The following SLC6A11 variants were observed in gnomAD, a reference collection of about 807,000 sequenced individuals.
SLC6A11 encodes solute carrier family 6 member 11, also known as sodium- and chloride-dependent GABA transporter 3.
Under a neutral mutation model 74.8 loss-of-function variants are expected in SLC6A11, and 25 were observed. That is an observed-to-expected ratio of 0.33 (90% CI 0.24 to 0.47). The LOEUF is 0.47. Ranked by LOEUF, SLC6A11 falls within the 20% of genes least tolerant of loss-of-function variation. The pLI is 1.00. For missense variants in SLC6A11, 574 were observed against 837.0 expected, an observed-to-expected ratio of 0.69 and a Z score of 3.88; for synonymous variants, 330 against 330.2, an observed-to-expected ratio of 1.00 and a Z score of 0.01.
intron 8 of SLC6A11, 128 bp from the exon 9 acceptor site, chr3:10,925,876 G>A: frequency 1.5e-6 from 1 of 657,660 alleles, no homozygotes. Context: ...GGAAACAGAA[G>A]TGATTTGAGT....
intron 8 of SLC6A11, among the ~76,000 whole-genome samples, chr3:10,924,319 T>C (rs1425951001): frequency 6.6e-6 from 1 of 151,946 alleles, no homozygotes; most frequent in Non-Finnish European, 1.5e-5. Context: ...TCCTAGAGAG[T>C]GCAATAAGGC....
At chr3:10,838,674 AGGAGGT>A (rs1694398430) in intron 4 of SLC6A11, among the ~76,000 whole-genome samples, 1 of 152,132 alleles carries the variant, frequency 6.6e-6, no homozygotes, top group Non-Finnish European at 1.5e-5. Flanking sequence ...ACTTGAACCC[AGGAGGT>A]GGAGGTTGCA....
At chr3:10,826,933 C>T (rs1694217686) in intron 4 of SLC6A11, among the ~76,000 whole-genome samples, 1 of 152,252 alleles carries the variant, frequency 6.6e-6, no homozygotes, top group African/African-American at 2.4e-5. Flanking sequence ...GATGAAAGTT[C>T]ATGGGCAAAT....
intron 6 of SLC6A11, among the ~76,000 whole-genome samples, chr3:10,880,114 T>C (rs540016782): frequency 4.6e-5 from 7 of 152,252 alleles, no homozygotes; most frequent in African/African-American, 1.7e-4. Flanking sequence ...AGGACTTCCA[T>C]AGCCACATGG....
intron 5 of SLC6A11, among the ~76,000 whole-genome samples, chr3:10,846,823 G>A (rs750316381): frequency 3.5e-4 from 54 of 152,222 alleles, no homozygotes; most frequent in Middle Eastern, 6.8e-3. Flanking sequence ...GGGAGGGCGG[G>A]CAGCCTGGCC....
At chr3:10,909,170 A>G (rs1181533544) in intron 6 of SLC6A11, among the ~76,000 whole-genome samples, 1 of 151,662 alleles carries the variant, frequency 6.6e-6, no homozygotes, top group African/African-American at 2.4e-5. Flanking sequence ...TCATCCATGA[A>G]CCAGTCACTG....
rs1245413003 is a variant in SLC6A11 at position 10,926,532 on chromosome 3, T to C, written c.1233+416T>C. 6.6e-6 allele frequency among the ~76,000 whole-genome samples: 1 copy of C among 152,076 alleles called. No individual in the cohort carries two copies. The highest frequency in any genetic ancestry group is 1.5e-5 in the Non-Finnish European group (1 of 68,012). Reference sequence around the variant, plus strand: ...GCATGTCCCCATCCCAACCCAATCATTGAGGACACGGACACATAGAAAAGC... The same window carrying C: ...GCATGTCCCCATCCCAACCCAATCACTGAGGACACGGACACATAGAAAAGC... On this transcript the variant is annotated intron_variant, in intron 9 of 13. Coordinates refer to ENST00000254488, the MANE Select transcript of SLC6A11 (RefSeq NM_014229.3). This position sits in a 1 kb window ranked among gnomAD's most constrained non-coding sequence, Gnocchi z 5.7.
At position 10,929,300 on chromosome 3, in the gene SLC6A11, T is replaced by C; in HGVS notation, c.1332T>C (p.Ser444=). ...GGGAGCTGCTCATCCTAGCCTTGTC[T>C]GTTATCTCCTATTTTCTGGGCCTCG... The part of the protein sequence containing the change: ...YRRELLILAL[S]VISYFLGLVM... The change falls in exon 10 of 14, where the codon TCT becomes TCC. Residue 444 remains serine, a synonymous_variant. Coordinates refer to ENST00000254488, the MANE Select transcript of SLC6A11 (RefSeq NM_014229.3). 1 of 1,614,144 alleles carries C rather than the reference T, an allele frequency of 6.2e-7. No individual in the cohort carries two copies.
intron 5 of SLC6A11, among the ~76,000 whole-genome samples, chr3:10,856,942 C>T (rs561656096): frequency 3.5e-4 from 54 of 152,276 alleles, no homozygotes; most frequent in African/African-American, 1.3e-3. Context: ...TCAAGTGAGG[C>T]GATGTGTGGA....
intron 5 of SLC6A11, among the ~76,000 whole-genome samples, chr3:10,855,627 C>T (rs1396538106): frequency 6.6e-6 from 1 of 152,202 alleles, no homozygotes; most frequent in Non-Finnish European, 1.5e-5. Flanking sequence ...GTACCATGTC[C>T]TGTGCCAGGC....
intron 6 of SLC6A11, among the ~76,000 whole-genome samples, chr3:10,877,526 G>A (rs563196472): frequency 2.3e-4 from 35 of 152,178 alleles, no homozygotes; most frequent in Non-Finnish European, 4.4e-5. Flanking sequence ...TTTAGTGAGG[G>A]TGTTTTATTG....
At chr3:10,846,134 A>G (rs898433824) in intron 5 of SLC6A11, among the ~76,000 whole-genome samples, 1 of 152,244 alleles carries the variant, frequency 6.6e-6, no homozygotes, top group African/African-American at 2.4e-5. Flanking sequence ...AGTAAGTAAT[A>G]GTGAATGCTG....
At chr3:10,914,041 A>G (rs1245373300) in intron 7 of SLC6A11, among the ~76,000 whole-genome samples, 1 of 152,184 alleles carries the variant, frequency 6.6e-6, no homozygotes, top group African/African-American at 2.4e-5. Flanking sequence ...TGTTCAGCAT[A>G]GGTGAGGGTA....
At chr3:10,853,035 C>T (rs1256624703) in intron 5 of SLC6A11, among the ~76,000 whole-genome samples, 2 of 152,172 alleles carry the variant, frequency 1.3e-5, no homozygotes. Context: ...GCTGCTTCAC[C>T]TCTCTGGGCC....
At chr3:10,929,466 T>C in intron 10 of SLC6A11, 127 bp downstream of exon 10, 2 of 962,154 alleles carry the variant, frequency 2.1e-6, no homozygotes, top group Non-Finnish European at 1.6e-6. Context: ...TTATGCTTCC[T>C]CCTAGCGGGT....
chr3:10,818,402 C>T (rs190125637), intron 1 of SLC6A11, among the ~76,000 whole-genome samples: 1 of 152,318 alleles, frequency 6.6e-6, no homozygotes, highest in Admixed American at 6.5e-5. Context: ...GTTGGGATAT[C>T]TGCTTCTCAA....
intron 6 of SLC6A11, among the ~76,000 whole-genome samples, chr3:10,889,199 A>G (rs997230618): frequency 6.6e-6 from 1 of 152,164 alleles, no homozygotes; most frequent in Middle Eastern, 3.2e-3. Context: ...CCCAACACCC[A>G]TTTCCCATAT....
intron 6 of SLC6A11, among the ~76,000 whole-genome samples, chr3:10,904,358 C>CCA (rs1695276963): frequency 6.6e-6 from 1 of 152,156 alleles, no homozygotes; most frequent in Non-Finnish European, 1.5e-5. Context: ...GGTGAGGTTG[C>CCA]CCCAGAGCTG....
At chr3:10,833,784 G>C (rs1694329287) in intron 4 of SLC6A11, among the ~76,000 whole-genome samples, 1 of 152,178 alleles carries the variant, frequency 6.6e-6, no homozygotes, top group Admixed American at 6.5e-5. Flanking sequence ...ATACTGAATA[G>C]CTGTGGTCTC....
Sources: gnomAD v4.1 joint callset for allele counts (sites outside exome capture counted in the v4.1 genomes callset) on GRCh38, gnomAD v4.1.1 for gene constraint, Gnocchi (gnomAD v3.1) non-coding constraint, MANE v1.5 for transcripts, NCBI Gene and HGNC (gene_info 2026-07-23, HGNC 2026-07-21) for gene names.